The following CDK13 variants were observed in gnomAD, a reference collection of about 807,000 sequenced individuals.
CDK13 encodes the protein cyclin dependent kinase 13.
A neutral mutation model predicts 137.6 loss-of-function variants in CDK13; 40 were observed. That is an observed-to-expected ratio of 0.29 (90% CI 0.23 to 0.38). The LOEUF (loss-of-function observed/expected upper bound fraction) is 0.38, where lower values mean the gene tolerates loss of function less well. CDK13 is among the 10% of genes least tolerant of loss of function. The pLI, the probability that CDK13 is intolerant of heterozygous loss-of-function variation, is 1.00. For missense variants in CDK13, 1,704 were observed against 1,951.8 expected, an observed-to-expected ratio of 0.87 and a Z score of 2.39; for synonymous variants, 869 against 760.1, an observed-to-expected ratio of 1.14 and a Z score of -2.36.
At chr7:39,993,636 A>C (rs1188855616) in intron 2 of CDK13, among the ~76,000 whole-genome samples, 1 of 152,092 alleles carries the variant, frequency 6.6e-6, no homozygotes, top group Non-Finnish European at 1.5e-5. Context: ...TTTTCATTTA[A>C]TATGTTAGAG....
chr7:39,988,288 G>A (rs1203696034), intron 2 of CDK13, 30 bp downstream of exon 2: 2 of 1,527,980 alleles, frequency 1.3e-6, no homozygotes, highest in Non-Finnish European at 1.8e-6. Flanking sequence ...GTCAATAACT[G>A]TTCAAAGAAA....
At chr7:39,981,259 T>A (rs1164880943) in intron 1 of CDK13, among the ~76,000 whole-genome samples, 2 of 151,928 alleles carry the variant, frequency 1.3e-5, no homozygotes, top group Admixed American at 6.6e-5. Flanking sequence ...TCCCCGCTAC[T>A]TTTGGGGGGT....
intron 5 of CDK13, among the ~76,000 whole-genome samples, chr7:40,016,770 A>C (rs965525124): frequency 6.6e-6 from 1 of 152,172 alleles, no homozygotes; most frequent in African/African-American, 2.4e-5. Flanking sequence ...ATCCAGCCTC[A>C]CTATAATAAA....
At chr7:40,006,007 TC>T (rs1277727408) in intron 5 of CDK13, among the ~76,000 whole-genome samples, 1 of 152,142 alleles carries the variant, frequency 6.6e-6, no homozygotes, top group African/African-American at 2.4e-5. Context: ...CTGGCGTGAG[TC>T]ATCACACTTG....
chr7:40,038,598 A>G (rs896485715), intron 5 of CDK13, among the ~76,000 whole-genome samples: 1 of 152,144 alleles, frequency 6.6e-6, no homozygotes. Flanking sequence ...CCAATGTATG[A>G]AAGTGTTTCT....
At chr7:40,089,785 A>T (rs1177595790) in intron 12 of CDK13, among the ~76,000 whole-genome samples, 1 of 152,034 alleles carries the variant, frequency 6.6e-6, no homozygotes, top group Non-Finnish European at 1.5e-5. Flanking sequence ...ATGAAAAAAT[A>T]GACTAGCACT....
intron 1 of CDK13, among the ~76,000 whole-genome samples, chr7:39,962,036 T>C (rs1332667608): frequency 1.3e-5 from 2 of 152,242 alleles, no homozygotes; most frequent in African/African-American, 2.4e-5. Context: ...CAGTCTATCA[T>C]TGTTGGACAT....
At chr7:39,997,786 A>G (rs1303072321) in intron 3 of CDK13, 122 bp downstream of exon 3, 1 of 709,572 alleles carries the variant, frequency 1.4e-6, no homozygotes, top group African/African-American at 1.9e-5. Context: ...CAACTTAAAT[A>G]TATGAATTCT....
intron 5 of CDK13, among the ~76,000 whole-genome samples, chr7:40,044,392 T>G (rs1014771326): frequency 1.1e-4 from 17 of 151,788 alleles, no homozygotes; most frequent in Admixed American, 6.6e-5. Flanking sequence ...AATCTCAGCT[T>G]ACTGCAACCT....
At chr7:40,084,142 C>G (rs1334175206) in intron 11 of CDK13, among the ~76,000 whole-genome samples, 1 of 152,000 alleles carries the variant, frequency 6.6e-6, no homozygotes, top group Non-Finnish European at 1.5e-5. Flanking sequence ...GCCGGGAGTT[C>G]AAGACCAGCC....
At chr7:40,008,498 C>G (rs1201321887) in intron 5 of CDK13, among the ~76,000 whole-genome samples, 1 of 152,186 alleles carries the variant, frequency 6.6e-6, no homozygotes, top group Admixed American at 6.5e-5. Flanking sequence ...AATGACAAAC[C>G]TGTTTCTGCC....
chr7:40,051,963 T>C (rs1785898445), intron 7 of CDK13, among the ~76,000 whole-genome samples: 1 of 152,228 alleles, frequency 6.6e-6, no homozygotes, highest in Non-Finnish European at 1.5e-5. Flanking sequence ...ACTGTTCATC[T>C]TTTAGTATAT....
At chr7:39,974,797 C>G (rs972086560) in intron 1 of CDK13, among the ~76,000 whole-genome samples, 1 of 152,138 alleles carries the variant, frequency 6.6e-6, no homozygotes. Context: ...CTCCTGACCT[C>G]AGGTGATCCA....
Position 40,028,006 on chromosome 7 carries a change from G to GTT in CDK13, c.2354-17816_2354-17815dup, listed in dbSNP as rs77541855. On this transcript the variant is annotated intron_variant, in intron 5 of 13. Coordinates refer to ENST00000181839, the MANE Select transcript of CDK13 (RefSeq NM_003718.5). Reference sequence around the variant, plus strand: ...CTCAGAAGATTGAGAAATTAACCTTGTTTTTTTTTTTTTTTAAATTAGTGT... The same window carrying GTT: ...CTCAGAAGATTGAGAAATTAACCTTGTTTTTTTTTTTTTTTTTAAATTAGTGT... Among the ~76,000 whole-genome samples, 516 of 141,296 alleles carry GTT rather than the reference G, an allele frequency of 3.7e-3. 2 individuals are homozygous for GTT. The highest frequency in any genetic ancestry group is 0.012 in the African/African-American group (467 of 38,366). The allele number at this position is 141,296 out of a possible 152,430, so 92.7% of individuals were successfully genotyped here.
At chr7:40,076,287 A>G (rs1045995524) in intron 9 of CDK13, among the ~76,000 whole-genome samples, 1 of 152,258 alleles carries the variant, frequency 6.6e-6, no homozygotes, top group Non-Finnish European at 1.5e-5. Flanking sequence ...GATGAAAGAA[A>G]TGTCAAACCA....
At position 39,999,520 on chromosome 7, in the gene CDK13, G is replaced by C; in HGVS notation, c.2182+20G>C. 6.3e-7 allele frequency: 1 copy of C among 1,579,926 alleles called. No individual in the cohort carries two copies. Among genetic ancestry groups the C allele is most frequent in the Non-Finnish European group, 8.6e-7 (1 of 1,161,960 alleles). ...ACACTGGTAAGAATGCCAAGTTCTG[G>C]GGATCTTTGGGCCTACGGAATGTAC... On this transcript the variant is annotated intron_variant, in intron 4 of 13. Coordinates refer to ENST00000181839, the MANE Select transcript of CDK13 (RefSeq NM_003718.5).
At chr7:39,991,427 C>G (rs1784452521) in intron 2 of CDK13, among the ~76,000 whole-genome samples, 1 of 151,236 alleles carries the variant, frequency 6.6e-6, no homozygotes, top group South Asian at 2.1e-4. Context: ...TTTGAGCATG[C>G]CTGTATCTAT....
chr7:39,951,928 C>T (rs1431449772), intron 1 of CDK13, 76 bp downstream of exon 1: 1 of 1,301,598 alleles, frequency 7.7e-7, no homozygotes, highest in Non-Finnish European at 9.8e-7. Flanking sequence ...AAGTGGTGCC[C>T]GGGTCCTCAG....
At chr7:40,000,078 T>C (rs1784651359) in intron 4 of CDK13, among the ~76,000 whole-genome samples, 1 of 152,162 alleles carries the variant, frequency 6.6e-6, no homozygotes, top group Non-Finnish European at 1.5e-5. Context: ...TAACTGCTTA[T>C]TGAAATAAAC....
Sources: allele counts gnomAD v4.1 joint callset (sites outside exome capture counted in the v4.1 genomes callset), GRCh38; gene constraint gnomAD v4.1.1; transcripts MANE v1.5; gene names NCBI Gene and HGNC (gene_info 2026-07-23, HGNC 2026-07-21).